Variants in LRRC3B observed in about 807,000 individuals in gnomAD.
The protein encoded by LRRC3B is leucine rich repeat containing 3B.
A neutral mutation model predicts 12.8 loss-of-function variants in LRRC3B; 2 were observed. That is an observed-to-expected ratio of 0.16 (90% confidence interval 0.06 to 0.49). LRRC3B has a LOEUF of 0.49. Among genes scored for constraint, LRRC3B ranks in the 20% least tolerant of loss-of-function variants. LRRC3B has a pLI of 0.96. For missense variants in LRRC3B, 189 were observed against 319.4 expected (o/e 0.59, Z 3.11); for synonymous variants, 132 against 122.0 (o/e 1.08, Z -0.54).
At chr3:26,648,782 G>A (rs1024743221) in intron 1 of LRRC3B, among the ~76,000 whole-genome samples, 5 of 152,310 alleles carry the variant, frequency 3.3e-5, no homozygotes, top group Middle Eastern at 3.4e-3. Flanking sequence ...TGTTTAATTT[G>A]AGTGCTTTGA....
chr3:26,667,157 C>A (rs1489097169), intron 1 of LRRC3B, among the ~76,000 whole-genome samples: 1 of 146,942 alleles, frequency 6.8e-6, no homozygotes, highest in African/African-American at 2.5e-5. Flanking sequence ...GACTGGTATA[C>A]CCAATCCCAT....
intron 1 of LRRC3B, among the ~76,000 whole-genome samples, chr3:26,647,021 T>A (rs1050884853): frequency 2.6e-5 from 4 of 152,156 alleles, no homozygotes; most frequent in Non-Finnish European, 5.9e-5. Context: ...TCTCTTTCCA[T>A]CCGCTCCCTC....
chr3:26,657,984 C>T (rs1440750918), intron 1 of LRRC3B, among the ~76,000 whole-genome samples: 1 of 152,166 alleles, frequency 6.6e-6, no homozygotes, highest in Non-Finnish European at 1.5e-5. Flanking sequence ...ATAATTGCTG[C>T]ATTATATCAT....
chr3:26,710,359 G>T (rs774103753), exon 2 of LRRC3B: 2 of 1,614,056 alleles, frequency 1.2e-6, no homozygotes, highest in South Asian at 2.2e-5. Context: ...GGCAAAATCA[G>T]GAGGATGCCC....
In LRRC3B at chr3:26,671,011, C is replaced by CTTTTTTTTTTTT. The variant is rs762788262; in HGVS notation, c.-160-38491_-160-38480dup. Among the ~76,000 whole-genome samples, 7 of 95,558 alleles carry CTTTTTTTTTTTT rather than the reference C, an allele frequency of 7.3e-5. No individual in the cohort carries two copies. In the East Asian group the frequency reaches 1.6e-3, roughly 22 times the overall value. The allele number at this position is 95,558 out of a possible 152,430, so 62.7% of individuals were successfully genotyped here. A position where few individuals can be genotyped will look rare whatever the true frequency, so the allele number is the denominator to read the frequency against. On this transcript the variant is annotated intron_variant, in intron 1 of 1. Transcript: ENST00000396641. ...GGGCACAGTCTACCTTCTCATGTAT[C>CTTTTTTTTTTTT]TTTTTTTTTTTTTTTTTTTTTTGAG...
At chr3:26,681,936 G>A (rs1001314547) in intron 1 of LRRC3B, among the ~76,000 whole-genome samples, 5 of 152,074 alleles carry the variant, frequency 3.3e-5, no homozygotes, top group Admixed American at 3.3e-4. Flanking sequence ...ACAAGTTTTT[G>A]TGTATACATT....
chr3:26,677,435 C>T (rs1055251629), intron 1 of LRRC3B, among the ~76,000 whole-genome samples: 5 of 152,152 alleles, frequency 3.3e-5, no homozygotes, highest in African/African-American at 1.2e-4. Flanking sequence ...TGCCTGTGAT[C>T]GACTTGCACT....
chr3:26,651,015 C>T (rs1699254229), intron 1 of LRRC3B, among the ~76,000 whole-genome samples: 1 of 152,150 alleles, frequency 6.6e-6, no homozygotes, highest in East Asian at 1.9e-4. Flanking sequence ...TGTGTCCACA[C>T]TTGTGGTGTT....
At chr3:26,652,658 A>G (rs1338001968) in intron 1 of LRRC3B, among the ~76,000 whole-genome samples, 1 of 152,116 alleles carries the variant, frequency 6.6e-6, no homozygotes, top group Non-Finnish European at 1.5e-5. Context: ...ACTATTTTCT[A>G]TCTCATTCCT....
In LRRC3B at chr3:26,676,989, A is replaced by T. The variant is rs560186583; in HGVS notation, c.-160-32524A>T. Among the ~76,000 whole-genome samples, 3 of 152,256 alleles carry T rather than the reference A, an allele frequency of 2.0e-5. No homozygotes were observed. In the South Asian group the frequency reaches 6.2e-4, roughly 32 times the overall value. ...TACTTCCAAAATCACAATATAAAGCAGGGTTGGGCAAGGTGTCATGGTGGA... is the reference window on the plus strand; with the variant it reads ...TACTTCCAAAATCACAATATAAAGCTGGGTTGGGCAAGGTGTCATGGTGGA... On this transcript the variant is annotated intron_variant, in intron 1 of 1. Transcript: ENST00000396641.
intron 1 of LRRC3B, among the ~76,000 whole-genome samples, chr3:26,641,310 G>C (rs148626934): frequency 6.6e-6 from 1 of 152,188 alleles, no homozygotes; most frequent in South Asian, 2.1e-4. Context: ...AGGAAACTGG[G>C]GGTGGAGACC....
intron 1 of LRRC3B, among the ~76,000 whole-genome samples, chr3:26,694,085 A>G (rs957686070): frequency 4.6e-5 from 7 of 152,204 alleles, no homozygotes; most frequent in African/African-American, 1.2e-4. Flanking sequence ...ATCAAGTGCA[A>G]CTAGAATCCT....
intron 1 of LRRC3B, among the ~76,000 whole-genome samples, chr3:26,689,660 C>A (rs1272034387): frequency 1.3e-5 from 2 of 152,188 alleles, no homozygotes; most frequent in East Asian, 3.9e-4. Flanking sequence ...AAAGAGGTGG[C>A]AAAATCTGCA....
intron 1 of LRRC3B, among the ~76,000 whole-genome samples, chr3:26,682,292 A>G (rs1699988686): frequency 6.6e-6 from 1 of 152,040 alleles, no homozygotes; most frequent in African/African-American, 2.4e-5. Flanking sequence ...TTTTTTACAC[A>G]CTACCTAGGC....
At chr3:26,652,217 A>G (rs1006075060) in intron 1 of LRRC3B, among the ~76,000 whole-genome samples, 11 of 152,222 alleles carry the variant, frequency 7.2e-5, no homozygotes, top group African/African-American at 2.7e-4. Context: ...AGAACACTGT[A>G]TATATGTGGA....
intron 1 of LRRC3B, among the ~76,000 whole-genome samples, chr3:26,706,805 A>G (rs1246942071): frequency 6.6e-6 from 1 of 152,192 alleles, no homozygotes; most frequent in Non-Finnish European, 1.5e-5. Context: ...GACTTTTCCA[A>G]AGTCCACTAT....
At chr3:26,685,492 T>TCC (rs1700058696) in intron 1 of LRRC3B, among the ~76,000 whole-genome samples, 2 of 38,844 alleles carry the variant, frequency 5.1e-5, no homozygotes, top group East Asian at 1.4e-3. Flanking sequence ...TCTCCCTCTC[T>TCC]CTCTCTCTCT....
At chr3:26,634,381 C>T (rs1575112655) in intron 1 of LRRC3B, among the ~76,000 whole-genome samples, 1 of 152,346 alleles carries the variant, frequency 6.6e-6, no homozygotes, top group East Asian at 1.9e-4. Flanking sequence ...CCTGAATGTC[C>T]TCACCTGCCT....
intron 1 of LRRC3B, among the ~76,000 whole-genome samples, chr3:26,698,640 G>A (rs910665474): frequency 6.6e-6 from 1 of 151,898 alleles, no homozygotes; most frequent in Non-Finnish European, 1.5e-5. Context: ...TGAAAAATTG[G>A]TACAATGAAC....
Sources: gnomAD v4.1 joint callset for allele counts (sites outside exome capture counted in the v4.1 genomes callset) on GRCh38, gnomAD v4.1.1 for gene constraint, MANE v1.5 for transcripts, NCBI Gene and HGNC (gene_info 2026-07-23, HGNC 2026-07-21) for gene names.